RBFOX1: variants seen among roughly 807,000 people sequenced by gnomAD.
RBFOX1 encodes the protein RNA binding protein fox-1 homolog 1.
Under a neutral mutation model 57.7 loss-of-function variants are expected in RBFOX1, and 8 were observed. That is an observed-to-expected ratio of 0.14 (90% confidence interval 0.08 to 0.25). RBFOX1 has a LOEUF of 0.25. RBFOX1 is among the 10% of genes least tolerant of loss of function. RBFOX1 has a pLI of 1.00. For synonymous variants in RBFOX1, 326 were observed against 222.4 expected (o/e 1.47, Z -4.15); for missense variants, 611 against 548.5 (o/e 1.11, Z -1.14).
At chr16:6,424,584 C>A (rs534052317) in intron 2 of RBFOX1, among the ~76,000 whole-genome samples, 8 of 122,992 alleles carry the variant, frequency 6.5e-5, no homozygotes, top group African/African-American at 2.3e-4. Context: ...GGTTGAGAAA[C>A]CCTAGTACAT....
At chr16:6,203,664 T>C (rs935484970) in intron 1 of RBFOX1, among the ~76,000 whole-genome samples, 1 of 152,150 alleles carries the variant, frequency 6.6e-6, no homozygotes, top group African/African-American at 2.4e-5. Context: ...AGGGCTGTTA[T>C]AGAAACAAAC....
intron 1 of RBFOX1, among the ~76,000 whole-genome samples, chr16:5,311,270 A>G (rs2064081714): frequency 1.3e-5 from 2 of 152,166 alleles, no homozygotes; most frequent in Non-Finnish European, 2.9e-5. Context: ...ACACATATAT[A>G]TTAATATCAC....
chr16:6,674,241 C>T (rs1229655604), intron 3 of RBFOX1, among the ~76,000 whole-genome samples: 2 of 152,148 alleles, frequency 1.3e-5, no homozygotes, highest in Non-Finnish European at 2.9e-5. Context: ...AGGGTCTTTG[C>T]AGATGTTATC....
intron 1 of RBFOX1, among the ~76,000 whole-genome samples, chr16:6,214,506 G>A (rs1598425353): frequency 7.7e-6 from 1 of 130,098 alleles, no homozygotes; most frequent in South Asian, 2.9e-4. Flanking sequence ...GGGAGAGAGG[G>A]AAAAGTGGAG....
At chr16:5,566,166 A>G (rs1413901362) in intron 2 of RBFOX1, among the ~76,000 whole-genome samples, 1 of 152,056 alleles carries the variant, frequency 6.6e-6, no homozygotes, top group East Asian at 1.9e-4. Context: ...GCATGTCTTT[A>G]TCAGCAGCAT....
chr16:6,040,220 C>A (rs1428799858), intron 1 of RBFOX1, among the ~76,000 whole-genome samples: 1 of 152,158 alleles, frequency 6.6e-6, no homozygotes, highest in Non-Finnish European at 1.5e-5. Flanking sequence ...ATAAATGTTA[C>A]CGTCTTAACC....
intron 4 of RBFOX1, among the ~76,000 whole-genome samples, chr16:7,176,874 A>C (rs2081771155): frequency 6.6e-6 from 1 of 152,230 alleles, no homozygotes; most frequent in African/African-American, 2.4e-5. Context: ...AGAAAGCAGG[A>C]ATGGGGGGAG....
At chr16:6,785,309 C>T (rs1051579549) in intron 3 of RBFOX1, among the ~76,000 whole-genome samples, 1 of 152,152 alleles carries the variant, frequency 6.6e-6, no homozygotes, top group Non-Finnish European at 1.5e-5. Context: ...CATAAGCCAT[C>T]TCATTTATCC....
chr16:6,824,821 AG>A (rs1285006671), intron 3 of RBFOX1, among the ~76,000 whole-genome samples: 1 of 151,950 alleles, frequency 6.6e-6, no homozygotes, highest in African/African-American at 2.4e-5. Flanking sequence ...AACATGTCAA[AG>A]ATAATACATG....
At chr16:7,389,486 C>T (rs1042747164) in intron 4 of RBFOX1, among the ~76,000 whole-genome samples, 6 of 152,154 alleles carry the variant, frequency 3.9e-5, no homozygotes, top group Non-Finnish European at 8.8e-5. Flanking sequence ...AAGCCTGATT[C>T]TTGATCTTTG....
At chr16:6,407,540 G>T (rs994282414) in intron 2 of RBFOX1, among the ~76,000 whole-genome samples, 3 of 53,902 alleles carry the variant, frequency 5.6e-5, no homozygotes, top group African/African-American at 2.3e-4. Context: ...GAAGGAGAGG[G>T]GTGTGTGTGT....
chr16:6,583,276 C>T (rs73541303), intron 2 of RBFOX1, among the ~76,000 whole-genome samples: 8 of 152,178 alleles, frequency 5.3e-5, no homozygotes, highest in Non-Finnish European at 1.2e-4. Flanking sequence ...AACACATGTG[C>T]AACTTCAGGA....
chr16:7,104,000 G>A (rs997514367), intron 4 of RBFOX1, among the ~76,000 whole-genome samples: 3 of 152,044 alleles, frequency 2.0e-5, no homozygotes, highest in East Asian at 1.9e-4. Flanking sequence ...AACAACAAGA[G>A]TAAAATAGAA....
intron 2 of RBFOX1, among the ~76,000 whole-genome samples, chr16:5,481,010 A>C (rs1280583679): frequency 1.3e-5 from 2 of 152,252 alleles, no homozygotes; most frequent in Non-Finnish European, 2.9e-5. Flanking sequence ...GTAGCAACCT[A>C]CACAATCAGA....
intron 1 of RBFOX1, among the ~76,000 whole-genome samples, chr16:5,268,912 T>C (rs758095909): frequency 2.2e-4 from 31 of 139,390 alleles, no homozygotes; most frequent in Non-Finnish European, 4.1e-4. Context: ...CTTGTTATTT[T>C]CTCTATTTTT....
chr16:6,939,356 A>G (rs1182587263), intron 3 of RBFOX1, among the ~76,000 whole-genome samples: 3 of 151,632 alleles, frequency 2.0e-5, no homozygotes, highest in East Asian at 1.9e-4. Context: ...AATTGGTCCA[A>G]AGTTTTAGGT....
At chr16:7,500,515 T>C (rs1040521934) in intron 4 of RBFOX1, among the ~76,000 whole-genome samples, 2 of 152,222 alleles carry the variant, frequency 1.3e-5, no homozygotes, top group Non-Finnish European at 2.9e-5. Flanking sequence ...ATATGCATCA[T>C]GCATCTAAGC....
intron 3 of RBFOX1, among the ~76,000 whole-genome samples, chr16:5,755,287 G>T (rs1258946249): frequency 1.3e-5 from 2 of 151,208 alleles, no homozygotes; most frequent in African/African-American, 2.4e-5. Flanking sequence ...TAACAAAATG[G>T]AGTCTCCTAT....
intron 3 of RBFOX1, among the ~76,000 whole-genome samples, chr16:5,707,714 G>A (rs1428593648): frequency 6.6e-6 from 1 of 152,202 alleles, no homozygotes; most frequent in Non-Finnish European, 1.5e-5. Flanking sequence ...AGCCTCATCT[G>A]TTAAATAGGA....
Sources: allele counts gnomAD v4.1 joint callset (sites outside exome capture counted in the v4.1 genomes callset), GRCh38; gene constraint gnomAD v4.1.1; transcripts MANE v1.5; gene names NCBI Gene and HGNC (gene_info 2026-07-23, HGNC 2026-07-21).